The following P4HA1 variants were observed in gnomAD, a reference collection of about 807,000 sequenced individuals.
P4HA1 encodes the protein prolyl 4-hydroxylase subunit alpha-1.
In P4HA1, 24 loss-of-function variants were observed where a neutral mutation model predicts 72.8. The observed-to-expected ratio is 0.33, with a 90% CI of 0.24 to 0.46. P4HA1 has a LOEUF of 0.46. Among genes scored for constraint, P4HA1 ranks in the 20% least tolerant of loss-of-function variants. P4HA1 has a pLI of 1.00. For missense variants in P4HA1, 446 were observed against 640.6 expected (o/e 0.70, Z 3.28); for synonymous variants, 201 against 218.8 (o/e 0.92, Z 0.72).
At position 73,053,361 on chromosome 10, in the gene P4HA1, A is replaced by C. The variant is rs1196878608; in HGVS notation, c.693T>G (p.Leu231=). ...GCCCAGATAACATACCTAGTTCAAG[A>C]AGCTTCTTTGTGAGCAAAAGTGCCT... ...LDKALLLTKK[L]LELDPEHQRA... is the part of the protein sequence containing the mutation. The change falls in exon 6 of 15, where the codon CTT becomes CTG. Residue 231 remains leucine (L), a synonymous_variant. Transcript: ENST00000394890. The C allele has an allele frequency of 6.2e-7, 1 of 1,614,056 alleles. No individual in the cohort carries two copies. The highest frequency in any genetic ancestry group is 1.7e-5 in the Admixed American group (1 of 59,986).
At chr10:73,024,948 A>G (rs1285967380) in intron 10 of P4HA1, among the ~76,000 whole-genome samples, 1 of 152,218 alleles carries the variant, frequency 6.6e-6, no homozygotes, top group African/African-American at 2.4e-5. Context: ...AAGAAGTTGA[A>G]TCTCTGAATA....
intron 4 of P4HA1, among the ~76,000 whole-genome samples, chr10:73,069,882 C>T (rs1473501982): frequency 6.6e-6 from 1 of 150,474 alleles, no homozygotes; most frequent in Non-Finnish European, 1.5e-5. Flanking sequence ...ATGATCTCAG[C>T]TTACTGCAAC....
At chr10:73,088,832 T>C (rs1299285491) in intron 1 of P4HA1, among the ~76,000 whole-genome samples, 1 of 152,266 alleles carries the variant, frequency 6.6e-6, no homozygotes, top group Non-Finnish European at 1.5e-5. Flanking sequence ...AAATTCTCTA[T>C]TTTGTTCAAT....
intron 9 of P4HA1, among the ~76,000 whole-genome samples, chr10:73,034,815 A>G (rs2133068937): frequency 6.6e-6 from 1 of 152,232 alleles, no homozygotes; most frequent in East Asian, 1.9e-4. Context: ...TCCTGGACTC[A>G]GGCAATCTGC....
At chr10:73,056,614 A>G (rs1841153644) in intron 5 of P4HA1, among the ~76,000 whole-genome samples, 1 of 152,078 alleles carries the variant, frequency 6.6e-6, no homozygotes, top group Admixed American at 6.5e-5. Flanking sequence ...CCTGGGCAAC[A>G]ACAATGAAAC....
intron 1 of P4HA1, among the ~76,000 whole-genome samples, chr10:73,089,722 A>G (rs1841990750): frequency 6.6e-6 from 1 of 151,982 alleles, no homozygotes; most frequent in Non-Finnish European, 1.5e-5. Flanking sequence ...AAAAAAAAAA[A>G]AAAAAGCGTA....
intron 10 of P4HA1, among the ~76,000 whole-genome samples, chr10:73,019,895 A>G (rs1031563887): frequency 6.6e-6 from 1 of 152,082 alleles, no homozygotes; most frequent in East Asian, 1.9e-4. Flanking sequence ...GGATAAAGAG[A>G]GCCTACAAGA....
At chr10:73,073,944 T>G in intron 2 of P4HA1, 117 bp from the exon 3 acceptor site, 1 of 672,484 alleles carries the variant, frequency 1.5e-6, no homozygotes, top group Non-Finnish European at 2.7e-6. Flanking sequence ...GAATCAGATA[T>G]GCTGGAGACT....
chr10:73,020,439 C>A (rs1300019607), intron 10 of P4HA1, among the ~76,000 whole-genome samples: 1 of 152,046 alleles, frequency 6.6e-6, no homozygotes, highest in Non-Finnish European at 1.5e-5. Flanking sequence ...AAACAACCTA[C>A]TAACCAAAAA....
intron 5 of P4HA1, among the ~76,000 whole-genome samples, chr10:73,060,587 A>AG (rs1282380468): frequency 2.6e-5 from 4 of 152,166 alleles, no homozygotes; most frequent in Non-Finnish European, 4.4e-5. Flanking sequence ...CTATCTCTTA[A>AG]GGGGGGAAAA....
intron 5 of P4HA1, among the ~76,000 whole-genome samples, chr10:73,066,279 T>A (rs979785676): frequency 1.3e-5 from 2 of 151,836 alleles, no homozygotes; most frequent in African/African-American, 4.8e-5. Flanking sequence ...GAAAAGTCAA[T>A]AAGAACTAGC....
chr10:73,008,162 G>A lies in P4HA1; in HGVS notation c.*60C>T. Reference sequence around the variant, plus strand: ...GTAAACTCCTGAAAGTTAAGACTAGGAAATGTGTATATCAGACACATAAGA... The same window carrying A: ...GTAAACTCCTGAAAGTTAAGACTAGAAAATGTGTATATCAGACACATAAGA... On this transcript the variant is annotated 3_prime_UTR_variant, in exon 15 of 15. Transcript: ENST00000394890. 1 of 989,550 alleles carries A rather than the reference G, an allele frequency of 1.0e-6. No individual in the cohort carries two copies. Among genetic ancestry groups the A allele is most frequent in the Non-Finnish European group, 1.6e-6 (1 of 625,838 alleles). The allele number at this position is 989,550 out of a possible 1,614,324, so 61.3% of individuals were successfully genotyped here.
In P4HA1 at chr10:73,009,846, G is replaced by A. The variant is rs200529312; in HGVS notation, c.1495C>T (p.Arg499Trp). Residue 499 changes from arginine to tryptophan, a missense_variant, in exon 14 of 15, where the codon CGG becomes TGG. Arg to Trp is a moderately radical substitution (Grantham distance 101). Transcript: ENST00000394890. ...FASGEGDYST[R>W]HAACPVLVGN... ...ACTAGCACTGGACAGGCTGCATGCC[G>A]TGTACTATAATCTCCTTCTCCACTG... is the stretch of plus-strand genomic sequence containing the variant. 15 of 1,608,972 alleles carry A rather than the reference G, an allele frequency of 9.3e-6. No individual in the cohort carries two copies. The highest frequency in any genetic ancestry group is 1.6e-4 in the Middle Eastern group (1 of 6,068).
At chr10:73,054,878 T>C (rs74560165) in intron 5 of P4HA1, among the ~76,000 whole-genome samples, 7,911 of 152,192 alleles carry the variant, frequency 0.052, 656 homozygotes, top group African/African-American at 0.17. Flanking sequence ...TGTGCTTATT[T>C]CCATTTGTGT....
intron 9 of P4HA1, among the ~76,000 whole-genome samples, chr10:73,038,276 A>G (rs1388295194): frequency 6.6e-6 from 1 of 152,130 alleles, no homozygotes; most frequent in African/African-American, 2.4e-5. Context: ...AAAGTAAAAT[A>G]AAATAAATAA....
At chr10:73,042,036 T>A (rs7903684) in intron 9 of P4HA1, among the ~76,000 whole-genome samples, 24,150 of 151,686 alleles carry the variant, frequency 0.16, 3,191 homozygotes, top group African/African-American at 0.34. Context: ...TTTTGTAGAG[T>A]TGGGGTTTTA....
At chr10:73,015,721 G>A (rs1342639170) in intron 11 of P4HA1, among the ~76,000 whole-genome samples, 1 of 152,122 alleles carries the variant, frequency 6.6e-6, no homozygotes, top group Non-Finnish European at 1.5e-5. Context: ...GTTCCTGGAG[G>A]CACATACCTC....
chr10:73,071,984 A>G (rs202088373), intron 4 of P4HA1, 45 bp downstream of exon 4: 31 of 1,427,852 alleles, frequency 2.2e-5, no homozygotes, highest in Non-Finnish European at 3.0e-5. Context: ...TTATTTCTAC[A>G]TATGGTGGCA....
chr10:73,078,991 C>A (rs1443301689), intron 1 of P4HA1, among the ~76,000 whole-genome samples: 1 of 152,058 alleles, frequency 6.6e-6, no homozygotes, highest in Non-Finnish European at 1.5e-5. Context: ...TAACTTCGTA[C>A]AAAATAATAA....
Sources: allele counts gnomAD v4.1 joint callset (sites outside exome capture counted in the v4.1 genomes callset), GRCh38; gene constraint gnomAD v4.1.1; transcripts MANE v1.5; gene names NCBI Gene and HGNC (gene_info 2026-07-23, HGNC 2026-07-21).